The following SYT10 variants were observed in gnomAD, a reference collection of about 807,000 sequenced individuals.
The protein encoded by SYT10 is synaptotagmin-10.
In SYT10, 31 loss-of-function variants were observed where a neutral mutation model predicts 51.1. The observed-to-expected ratio is 0.61, with a 90% CI of 0.46 to 0.82. SYT10 has a LOEUF of 0.82. Among genes scored for constraint, SYT10 ranks in the 40% least tolerant of loss-of-function variants. The probability of loss-of-function intolerance (pLI) is 0.00; values close to 1 mark genes in which losing one functional copy is unlikely to be tolerated. For synonymous variants in SYT10, 233 were observed against 225.9 expected (o/e 1.03, Z -0.28); for missense variants, 603 against 634.0 (o/e 0.95, Z 0.53).
intron 2 of SYT10, among the ~76,000 whole-genome samples, chr12:33,410,164 G>T (rs1866393442): frequency 2.0e-5 from 3 of 152,150 alleles, no homozygotes; most frequent in Admixed American, 1.3e-4. Flanking sequence ...TTTATTCTGT[G>T]ATTCTCTTTC....
At chr12:33,390,330 T>A (rs922862853) in intron 3 of SYT10, among the ~76,000 whole-genome samples, 2 of 152,170 alleles carry the variant, frequency 1.3e-5, no homozygotes, top group Admixed American at 1.3e-4. Context: ...AGTTGGGGAT[T>A]CATGAGGAAA....
chr12:33,417,679 T>A (rs957990725), intron 2 of SYT10, among the ~76,000 whole-genome samples: 2 of 152,230 alleles, frequency 1.3e-5, no homozygotes, highest in Non-Finnish European at 2.9e-5. Context: ...GAGTTGTTTA[T>A]ATTTTTTCCA....
intron 3 of SYT10, among the ~76,000 whole-genome samples, chr12:33,392,542 A>C (rs1423686034): frequency 6.6e-6 from 1 of 152,116 alleles, no homozygotes; most frequent in Non-Finnish European, 1.5e-5. Flanking sequence ...GGCTTCTATC[A>C]CAAAACCTAG....
chr12:33,402,643 A>C (rs1214842964), intron 3 of SYT10, among the ~76,000 whole-genome samples: 1 of 152,192 alleles, frequency 6.6e-6, no homozygotes, highest in Admixed American at 6.5e-5. Context: ...GTTCTCAGTA[A>C]ATATTTATGT....
In SYT10 at chr12:33,414,217, T is replaced by G. The variant is rs147625138; in HGVS notation, c.510-6861A>C. 2.0e-5 allele frequency among the ~76,000 whole-genome samples: 3 copies of G among 152,104 alleles called. No homozygotes were observed. The East Asian group carries it at 5.8e-4, about 29-fold the overall frequency. ...TAGAAACATACAAAGAGACTTAGAC[T>G]CCCCCACAATAATAATTGGAGACTT... On this transcript the variant is annotated intron_variant, in intron 2 of 6. Transcript: ENST00000228567.
intron 1 of SYT10, chr12:33,432,747 A>C (rs923927875): frequency 2.6e-5 from 4 of 152,110 alleles, no homozygotes; most frequent in Admixed American, 2.6e-4. Flanking sequence ...ACAAGGTTTT[A>C]AAAATTGACT....
intron 2 of SYT10, chr12:33,407,690 A>G (rs1020331415): frequency 6.0e-5 from 12 of 198,972 alleles, no homozygotes; most frequent in Non-Finnish European, 1.2e-4. Flanking sequence ...ACTGTAGCTT[A>G]AAACTCCTGA....
chr12:33,378,730 A>G (rs1565489460), intron 6 of SYT10, among the ~76,000 whole-genome samples: 1 of 152,162 alleles, frequency 6.6e-6, no homozygotes, highest in Non-Finnish European at 1.5e-5. Context: ...GAAACAAATA[A>G]TAACTTTCCA....
intron 3 of SYT10, among the ~76,000 whole-genome samples, chr12:33,385,915 A>G (rs972051002): frequency 2.0e-5 from 3 of 152,200 alleles, no homozygotes; most frequent in Non-Finnish European, 4.4e-5. Flanking sequence ...GTGGAATAAA[A>G]TCCAAACTCC....
At position 33,375,312 on chromosome 12, in the gene SYT10, CTTTT is replaced by C. The variant is rs913584349; in HGVS notation, c.*1514_*1517del. 1 of 151,668 alleles carries C rather than the reference CTTTT, an allele frequency of 6.6e-6. No individual in the cohort carries two copies. The highest frequency in any genetic ancestry group is 2.4e-5 in the African/African-American group (1 of 41,308). 9.4% of individuals were successfully genotyped at this position (151,668 alleles called of 1,614,324 possible). A position where few individuals can be genotyped will look rare whatever the true frequency, so the allele number is the denominator to read the frequency against. ...CAACAAAATTTCAAGGCTTTTAAAACTTTTTTTTAATATTTAGAAATAATGGGAT... is the reference window on the plus strand; with the variant it reads ...CAACAAAATTTCAAGGCTTTTAAAACTTTTAATATTTAGAAATAATGGGAT... On this transcript the variant is annotated 3_prime_UTR_variant, in exon 7 of 7. Transcript: ENST00000228567.
At chr12:33,386,900 G>GA (rs1866161322) in intron 3 of SYT10, among the ~76,000 whole-genome samples, 1 of 152,136 alleles carries the variant, frequency 6.6e-6, no homozygotes, top group Admixed American at 6.5e-5. Context: ...TTATAAAGCA[G>GA]AACTGTCCAC....
chr12:33,433,957 G>A (rs1423989851), intron 1 of SYT10, among the ~76,000 whole-genome samples: 2 of 152,260 alleles, frequency 1.3e-5, no homozygotes, highest in East Asian at 3.9e-4. Flanking sequence ...TGATTTGAAG[G>A]GAGGTTAAAT....
chr12:33,392,269 C>T (rs899202981), intron 3 of SYT10, among the ~76,000 whole-genome samples: 2 of 152,126 alleles, frequency 1.3e-5, no homozygotes, highest in Non-Finnish European at 2.9e-5. Context: ...CTGGTAATTT[C>T]CCCCAGCCAG....
intron 3 of SYT10, among the ~76,000 whole-genome samples, chr12:33,391,432 G>A (rs1156357696): frequency 6.6e-6 from 1 of 152,080 alleles, no homozygotes; most frequent in Non-Finnish European, 1.5e-5. Context: ...AGAGGGGTCA[G>A]CTTATAAGGA....
rs1405777835 is a variant in SYT10 at position 33,398,069 on chromosome 12, G to A, written c.1077+8720C>T. 3.3e-5 allele frequency among the ~76,000 whole-genome samples: 5 copies of A among 152,094 alleles called. No homozygotes were observed. In the East Asian group the frequency reaches 9.6e-4, roughly 29 times the overall value. ...AGGCAGTGGAATAGGGTGTTCAGGA[G>A]GGTGATACCCAGAGTGGAAGTGGAG... On this transcript the variant is annotated intron_variant, in intron 3 of 6. Coordinates refer to ENST00000228567, the MANE Select transcript of SYT10 (RefSeq NM_198992.4).
chr12:33,384,575 G>C (rs968231005), intron 4 of SYT10, among the ~76,000 whole-genome samples: 1 of 152,176 alleles, frequency 6.6e-6, no homozygotes, highest in African/African-American at 2.4e-5. Context: ...ATTAAATAAA[G>C]GGATGAAGAA....
At chr12:33,392,920 T>C (rs1489136202) in intron 3 of SYT10, among the ~76,000 whole-genome samples, 3 of 145,100 alleles carry the variant, frequency 2.1e-5, no homozygotes, top group Non-Finnish European at 4.5e-5. Flanking sequence ...AGATCCATTT[T>C]CAGTTCCCTT....
In SYT10 at chr12:33,385,042, T is replaced by A; in HGVS notation, c.1198+129A>T. The A allele has an allele frequency of 2.6e-6, 3 of 1,173,706 alleles. No individual in the cohort carries two copies. In the South Asian group the frequency reaches 5.3e-5, roughly 21 times the overall value. The allele number at this position is 1,173,706 out of a possible 1,614,324, so 72.7% of individuals were successfully genotyped here. A position where few individuals can be genotyped will look rare whatever the true frequency, so the allele number is the denominator to read the frequency against. ...AGATGAATTGGAACATTTAAATTTG[T>A]AATCTTTTTTTTTCTTTTGTAGTAC... On this transcript the variant is annotated intron_variant, in intron 4 of 6. Coordinates refer to ENST00000228567, the MANE Select transcript of SYT10 (RefSeq NM_198992.4).
intron 2 of SYT10, among the ~76,000 whole-genome samples, chr12:33,408,691 G>A (rs150733513): frequency 6.6e-6 from 1 of 152,068 alleles, no homozygotes. Context: ...TTCTAGTCCC[G>A]TATCTCTAAA....
Sources: allele counts gnomAD v4.1 joint callset (sites outside exome capture counted in the v4.1 genomes callset), GRCh38; gene constraint gnomAD v4.1.1; transcripts MANE v1.5; gene names NCBI Gene and HGNC (gene_info 2026-07-23, HGNC 2026-07-21).